The following KCNE1 variants were observed in gnomAD, a reference collection of about 807,000 sequenced individuals.
KCNE1 encodes the protein potassium voltage-gated channel subfamily E regulatory subunit 1, also known as potassium voltage-gated channel subfamily E member 1.
In KCNE1, 1 loss-of-function variant was observed where a neutral mutation model predicts 2.9. That is an observed-to-expected ratio of 0.34 (90% CI 0.12 to 1.62). The LOEUF is 1.62. Ranked by LOEUF, KCNE1 falls within the 40% of genes most tolerant of loss-of-function variation. The pLI is 0.36. For missense variants in KCNE1, 45 were observed against 150.5 expected, an observed-to-expected ratio of 0.30 and a Z score of 3.67; for synonymous variants, 23 against 65.4, an observed-to-expected ratio of 0.35 and a Z score of 3.13.
intron 2 of KCNE1, among the ~76,000 whole-genome samples, chr21:34,498,874 G>A (rs1982970768): frequency 6.6e-6 from 1 of 152,214 alleles, no homozygotes. Flanking sequence ...AGCTGCAGTA[G>A]TAGTAGAGGG....
chr21:34,506,417 G>A (rs79974834), intron 2 of KCNE1, among the ~76,000 whole-genome samples: 2 of 152,148 alleles, frequency 1.3e-5, no homozygotes, highest in Admixed American at 6.5e-5. Flanking sequence ...CAGCACGTGG[G>A]GAAAGCCAGG....
rs1414704336 is a variant in KCNE1, at chr21:34,511,094, C to T, written c.-162+7G>A. The T allele has an allele frequency of 2.0e-6, 2 of 975,860 alleles. No individual in the cohort carries two copies. Among genetic ancestry groups the T allele is most frequent in the East Asian group, 1.1e-4 (1 of 8,776 alleles). 60.5% of individuals were successfully genotyped at this position (975,860 alleles called of 1,614,324 possible). On this transcript the variant is annotated splice_region_variant and intron_variant, in intron 2 of 3. Coordinates refer to ENST00000399286, the MANE Select transcript of KCNE1 (RefSeq NM_000219.6). ...AGGAAAGGGTCTGTGCAACCCCCTT[C>T]TCCTACCAGTTCTCGTTTCTGAAGT...
In KCNE1 at chr21:34,449,370, C is replaced by T. The variant is rs1256155089; in HGVS notation, c.265G>A (p.Glu89Lys). Residue 89 changes from glutamate to lysine, a missense_variant, in exon 4 of 4, where the codon GAG (glutamate) becomes AAG (lysine). Physicochemically the swap from Glu to Lys is moderately conservative, Grantham distance 56. Coordinates refer to ENST00000399286, the MANE Select transcript of KCNE1 (RefSeq NM_000219.6). ...GCCTGGACATAGGCCTTGTCCTTCTCTTGCCAGGCATCGGACTCGATGTAG... is the reference window on the plus strand; with the variant it reads ...GCCTGGACATAGGCCTTGTCCTTCTTTTGCCAGGCATCGGACTCGATGTAG... The part of the protein sequence containing the change: ...NVYIESDAWQ[E>K]KDKAYVQARV... The T allele has an allele frequency of 1.2e-6, 2 of 1,604,382 alleles. No homozygotes were observed. Among genetic ancestry groups the T allele is most frequent in the South Asian group, 2.2e-5 (2 of 90,624 alleles).
chr21:34,496,751 A>G (rs1406279285), intron 2 of KCNE1, among the ~76,000 whole-genome samples: 1 of 152,192 alleles, frequency 6.6e-6, no homozygotes, highest in Non-Finnish European at 1.5e-5. Flanking sequence ...TAGTGCTGTC[A>G]GTGGAGTATT....
chr21:34,501,710 G>A (rs1283489363), intron 2 of KCNE1, among the ~76,000 whole-genome samples: 1 of 152,150 alleles, frequency 6.6e-6, no homozygotes, highest in Non-Finnish European at 1.5e-5. Context: ...ACAAAACAAA[G>A]CTCTAAGTAC....
chr21:34,497,328 G>A (rs917462547), intron 2 of KCNE1, among the ~76,000 whole-genome samples: 6 of 152,112 alleles, frequency 3.9e-5, no homozygotes, highest in Non-Finnish European at 5.9e-5. Flanking sequence ...TTGAGGTTTC[G>A]TTTAAAGATT....
At position 34,511,276 on chromosome 21, in the gene KCNE1, C is replaced by T. The variant is rs910214024; in HGVS notation, c.-337G>A. On this transcript the variant is annotated 5_prime_UTR_variant, in exon 2 of 4. Coordinates refer to ENST00000399286, the MANE Select transcript of KCNE1 (RefSeq NM_000219.6). ...AGCTCCAGGCCATGCCATTCAACGC[C>T]CTCCAGGACAGGCCGAAGGGCTTGT... 31 of 985,352 alleles carry T rather than the reference C, an allele frequency of 3.1e-5. No individual in the cohort carries two copies. Among genetic ancestry groups the T allele is most frequent in the Non-Finnish European group, 3.5e-5 (29 of 829,978 alleles). 61.0% of individuals were successfully genotyped at this position (985,352 alleles called of 1,614,324 possible).
At chr21:34,508,143 C>T (rs945747414) in intron 2 of KCNE1, among the ~76,000 whole-genome samples, 5 of 151,622 alleles carry the variant, frequency 3.3e-5, no homozygotes, top group Admixed American at 3.3e-4. Context: ...TCTCCCACCT[C>T]AGCCTCCAGA....
At chr21:34,508,632 C>T (rs768619057) in intron 2 of KCNE1, among the ~76,000 whole-genome samples, 15 of 152,268 alleles carry the variant, frequency 9.9e-5, no homozygotes, top group East Asian at 1.9e-4. Context: ...CATGAGCCAC[C>T]GCGCCCAGAC....
intron 2 of KCNE1, among the ~76,000 whole-genome samples, chr21:34,503,399 T>C (rs886739222): frequency 1.3e-5 from 2 of 152,174 alleles, no homozygotes; most frequent in Admixed American, 1.3e-4. Context: ...AAGCTCCACA[T>C]GTTCAGCTGT....
At chr21:34,511,933 G>T (rs867576927) in intron 1 of KCNE1, 94 bp downstream of exon 1, 1 of 152,370 alleles carries the variant, frequency 6.6e-6, no homozygotes, top group African/African-American at 2.4e-5. Context: ...TGACCTTGCC[G>T]CATGGCCTGA....
At chr21:34,497,182 A>G (rs1213378949) in intron 2 of KCNE1, among the ~76,000 whole-genome samples, 2 of 152,168 alleles carry the variant, frequency 1.3e-5, no homozygotes, top group African/African-American at 4.8e-5. Flanking sequence ...CTGAGATGTG[A>G]GGTACTGTTC....
chr21:34,450,219 T>C (rs79687087), intron 3 of KCNE1, among the ~76,000 whole-genome samples: 3,311 of 56,442 alleles, frequency 0.059, 968 homozygotes, highest in Non-Finnish European at 0.084. Context: ...ATCCCCATCC[T>C]TGACCTCCTA....
intron 2 of KCNE1, among the ~76,000 whole-genome samples, chr21:34,502,611 C>T (rs1983234395): frequency 6.6e-6 from 1 of 152,202 alleles, no homozygotes; most frequent in South Asian, 2.1e-4. Flanking sequence ...TTAGGAGAGC[C>T]TATCTCCAGC....
chr21:34,511,624 G>T (rs1299243634), intron 1 of KCNE1, among the ~76,000 whole-genome samples: 3 of 152,240 alleles, frequency 2.0e-5, no homozygotes, highest in Non-Finnish European at 4.4e-5. Context: ...GGTTTTCTGT[G>T]ATGAACACAG....
chr21:34,508,970 T>C (rs1222405169), intron 2 of KCNE1, among the ~76,000 whole-genome samples: 1 of 152,244 alleles, frequency 6.6e-6, no homozygotes, highest in African/African-American at 2.4e-5. Flanking sequence ...TGTAGTGGTA[T>C]AAAACAACTA....
chr21:34,511,336 G>C lies in KCNE1; in HGVS notation c.-376-21C>G, dbSNP rs557365969. ...GGTTGCTAAGGTTTGAAAAAAGCCA[G>C]CTGGAAACTTAATCCCCAAAGCAAC... On this transcript the variant is annotated intron_variant, in intron 1 of 3. Coordinates refer to ENST00000399286, the MANE Select transcript of KCNE1 (RefSeq NM_000219.6). 4.3e-5 allele frequency: 42 copies of C among 984,906 alleles called. No homozygotes were observed. The South Asian group carries it at 1.8e-3, about 42-fold the overall frequency. 61.0% of individuals were successfully genotyped at this position (984,906 alleles called of 1,614,324 possible).
chr21:34,449,913 G>A (rs1981113385), intron 3 of KCNE1, among the ~76,000 whole-genome samples: 1 of 81,212 alleles, frequency 1.2e-5, no homozygotes, highest in South Asian at 4.2e-4. Context: ...CACCCCTATA[G>A]GTGACCATCA....
rs566020247 is a variant in KCNE1 at position 34,497,556 on chromosome 21, A to C, written c.-162+13545T>G. On this transcript the variant is annotated intron_variant, in intron 2 of 3. Coordinates refer to ENST00000399286, the MANE Select transcript of KCNE1 (RefSeq NM_000219.6). ...GGTTTCTGCTGAGAAATCTGCTGTT[A>C]ATCTGATAGGTTTTCCTTTATAGGT... Among the ~76,000 whole-genome samples the C allele has an allele frequency of 9.9e-5, 15 of 152,228 alleles. No homozygotes were observed. In the East Asian group the frequency reaches 2.9e-3, roughly 29 times the overall value.
Sources: gnomAD v4.1 joint callset for allele counts (sites outside exome capture counted in the v4.1 genomes callset) on GRCh38, gnomAD v4.1.1 for gene constraint, MANE v1.5 for transcripts, NCBI Gene and HGNC (gene_info 2026-07-23, HGNC 2026-07-21) for gene names.